The following SHQ1 variants were observed in gnomAD, a reference collection of about 807,000 sequenced individuals.
The protein encoded by SHQ1 is protein SHQ1 homolog.
Under a neutral mutation model 53.8 loss-of-function variants are expected in SHQ1, and 49 were observed. The ratio of observed to expected loss-of-function variants is 0.91; its 90% confidence interval spans 0.72 to 1.16. The LOEUF is 1.16. Among genes scored for constraint, SHQ1 ranks in the 50% most tolerant of loss-of-function variants. The pLI, the probability that SHQ1 is intolerant of heterozygous loss-of-function variation, is 0.00. For synonymous variants in SHQ1, 243 were observed against 251.0 expected (o/e 0.97, Z 0.30); for missense variants, 738 against 683.1 (o/e 1.08, Z -0.90).
chr3:72,832,847 G>A (rs1054739186), intron 4 of SHQ1, among the ~76,000 whole-genome samples: 8 of 149,236 alleles, frequency 5.4e-5, no homozygotes, highest in South Asian at 4.3e-4. Flanking sequence ...GTTATTAAAC[G>A]TAGAGTGGCT....
intron 10 of SHQ1, among the ~76,000 whole-genome samples, chr3:72,785,191 G>A (rs1005762807): frequency 6.6e-6 from 1 of 152,242 alleles, no homozygotes; most frequent in South Asian, 2.1e-4. Flanking sequence ...AAGACCATAT[G>A]CAAGAGCAAG....
chr3:72,813,718 G>A lies in SHQ1; in HGVS notation c.937-924C>T, dbSNP rs531065850. ...GGAGCTTGCAGTGAGCCAAGATCGC[G>A]CCACTGCACTCCAGCCTAGGTGACA... On this transcript the variant is annotated intron_variant, in intron 8 of 10. Transcript: ENST00000325599. Among the ~76,000 whole-genome samples, 237 of 136,364 alleles carry A rather than the reference G, an allele frequency of 1.7e-3. 1 individual carries two copies. Among genetic ancestry groups the A allele is most frequent in the East Asian group, 6.5e-3 (30 of 4,640 alleles). 89.5% of individuals were successfully genotyped at this position (136,364 alleles called of 152,430 possible). A position where few individuals can be genotyped will look rare whatever the true frequency, so the allele number is the denominator to read the frequency against.
chr3:72,824,787 CTT>C lies in SHQ1; in HGVS notation c.600-238_600-237del, dbSNP rs36082106. ...AAGGGATATATAACATTGCTGATCT[CTT>C]TTTTTTTTTTTTTTAACTTTTTTTA... On this transcript the variant is annotated intron_variant, in intron 5 of 10. Transcript: ENST00000325599. Among the ~76,000 whole-genome samples, 1,268 of 142,734 alleles carry C rather than the reference CTT, an allele frequency of 8.9e-3. 8 individuals are homozygous for C. Among genetic ancestry groups the C allele is most frequent in the Non-Finnish European group, 0.014 (914 of 65,838 alleles). 93.6% of individuals were successfully genotyped at this position (142,734 alleles called of 152,430 possible). A position where few individuals can be genotyped will look rare whatever the true frequency, so the allele number is the denominator to read the frequency against.
Position 72,750,356 on chromosome 3 carries a change from T to A in SHQ1, c.1662A>T (p.Glu554Asp). Residue 554 changes from glutamate to aspartate, a missense_variant, in exon 11 of 11, where the codon GAA (glutamate) becomes GAT (aspartate). Coordinates refer to ENST00000325599, the MANE Select transcript of SHQ1 (RefSeq NM_018130.3). ...GGTTTACAGCAGTGGTGCCCTTGGGTTCAGAAACCTGAACTGTAGTCTTCA... is the reference window on the plus strand; with the variant it reads ...GGTTTACAGCAGTGGTGCCCTTGGGATCAGAAACCTGAACTGTAGTCTTCA... Reference protein sequence around the residue: ...EQLKTTVQVSEPKGTTAVNRS... With the variant: ...EQLKTTVQVSDPKGTTAVNRS... The A allele has an allele frequency of 1.2e-6, 2 of 1,614,038 alleles. No homozygotes were observed. Among genetic ancestry groups the A allele is most frequent in the African/African-American group, 2.7e-5 (2 of 74,988 alleles).
chr3:72,845,747 T>C (rs1341546043), intron 1 of SHQ1, among the ~76,000 whole-genome samples: 1 of 152,144 alleles, frequency 6.6e-6, no homozygotes, highest in Non-Finnish European at 1.5e-5. Flanking sequence ...TCCCCCTTGT[T>C]TCCTACTAAA....
chr3:72,842,899 C>A (rs996259291), intron 2 of SHQ1, among the ~76,000 whole-genome samples: 1 of 152,032 alleles, frequency 6.6e-6, no homozygotes, highest in Non-Finnish European at 1.5e-5. Flanking sequence ...CATGGTGAAA[C>A]CCCATCTCTA....
At chr3:72,726,095 C>T in the SHQ1 span, among the ~76,000 whole-genome samples, 1 of 152,092 alleles carries the variant, frequency 6.6e-6, no homozygotes. Flanking sequence ...CATTAAGATC[C>T]AGTCTCTACC....
intron 10 of SHQ1, among the ~76,000 whole-genome samples, chr3:72,756,637 AG>A (rs1158346337): frequency 6.6e-6 from 1 of 152,232 alleles, no homozygotes; most frequent in Non-Finnish European, 1.5e-5. Context: ...TATTTATTAT[AG>A]AATGAAGAGA....
At chr3:72,762,598 C>T (rs1000663611) in intron 10 of SHQ1, among the ~76,000 whole-genome samples, 6 of 152,284 alleles carry the variant, frequency 3.9e-5, no homozygotes, top group South Asian at 4.1e-4. Context: ...CAAGGTCTCC[C>T]GTTCCATACG....
At chr3:72,741,743 G>GC in the SHQ1 span, among the ~76,000 whole-genome samples, 1 of 152,052 alleles carries the variant, frequency 6.6e-6, no homozygotes, top group Non-Finnish European at 1.5e-5. Flanking sequence ...GATGCAGTTG[G>GC]CCCTCCGTAT....
chr3:72,834,698 ATATCC>A, intron 4 of SHQ1, among the ~76,000 whole-genome samples: 1 of 152,292 alleles, frequency 6.6e-6, no homozygotes, highest in East Asian at 1.9e-4. Flanking sequence ...ATATTATACC[ATATCC>A]TACTGAAATA....
At chr3:72,771,217 C>T (rs1705843264) in intron 10 of SHQ1, among the ~76,000 whole-genome samples, 1 of 152,164 alleles carries the variant, frequency 6.6e-6, no homozygotes, top group South Asian at 2.1e-4. Context: ...TCTTTAGTTC[C>T]ACAGCGCCTA....
At chr3:72,839,934 G>A (rs559118698) in intron 4 of SHQ1, among the ~76,000 whole-genome samples, 92 of 151,932 alleles carry the variant, frequency 6.1e-4, no homozygotes, top group Non-Finnish European at 1.1e-3. Context: ...CTAATTTTTT[G>A]TATTTTTAGT....
intron 5 of SHQ1, among the ~76,000 whole-genome samples, chr3:72,827,001 A>G (rs1257960440): frequency 6.6e-6 from 1 of 152,206 alleles, no homozygotes; most frequent in Non-Finnish European, 1.5e-5. Flanking sequence ...AGCAGACATA[A>G]TGGTGGCCTA....
At chr3:72,755,968 C>T (rs1160850431) in intron 10 of SHQ1, among the ~76,000 whole-genome samples, 13 of 152,168 alleles carry the variant, frequency 8.5e-5, no homozygotes, top group African/African-American at 2.7e-4. Context: ...GTGCAATCAG[C>T]GCTCCCTGTA....
At chr3:72,818,299 C>A (rs1346101601) in intron 6 of SHQ1, among the ~76,000 whole-genome samples, 2 of 152,130 alleles carry the variant, frequency 1.3e-5, no homozygotes, top group African/African-American at 4.8e-5. Context: ...ACTCCCCCTA[C>A]TGATGGGCAC....
rs531512465 is a variant in SHQ1, at chr3:72,749,452, C to T, written c.*832G>A. 1 of 217,712 alleles carries T rather than the reference C, an allele frequency of 4.6e-6. No homozygotes were observed. Among genetic ancestry groups the T allele is most frequent in the Non-Finnish European group, 9.2e-6 (1 of 108,270 alleles). 13.5% of individuals were successfully genotyped at this position (217,712 alleles called of 1,614,324 possible). On this transcript the variant is annotated 3_prime_UTR_variant, in exon 11 of 11. Transcript: ENST00000325599. ...ACCACATGGATGAATCTCAAAATAACTATACTGAGTAAAATATGCCTGACC... is the reference window on the plus strand; with the variant it reads ...ACCACATGGATGAATCTCAAAATAATTATACTGAGTAAAATATGCCTGACC...
intron 4 of SHQ1, among the ~76,000 whole-genome samples, chr3:72,833,258 T>C (rs1448989950): frequency 6.6e-6 from 1 of 151,910 alleles, no homozygotes; most frequent in Non-Finnish European, 1.5e-5. Flanking sequence ...CTGGGCAACA[T>C]GGAGAAACCC....
At chr3:72,841,344 C>T (rs1376273836) in intron 3 of SHQ1, 145 bp from the exon 4 acceptor site, 6 of 534,262 alleles carry the variant, frequency 1.1e-5, no homozygotes, top group African/African-American at 6.0e-5. Flanking sequence ...CTCCGCTATT[C>T]GTGACAGCAA....
Sources: gnomAD v4.1 joint callset for allele counts (sites outside exome capture counted in the v4.1 genomes callset) on GRCh38, gnomAD v4.1.1 for gene constraint, MANE v1.5 for transcripts, NCBI Gene and HGNC (gene_info 2026-07-23, HGNC 2026-07-21) for gene names.